Variants in ITIH4 observed in about 807,000 individuals in gnomAD.
ITIH4 encodes the protein inter-alpha-trypsin inhibitor heavy chain 4.
A neutral mutation model predicts 111.8 loss-of-function variants in ITIH4; 79 were observed. The ratio of observed to expected loss-of-function variants is 0.71; its 90% CI spans 0.59 to 0.85. The LOEUF is 0.85. Among genes scored for constraint, ITIH4 ranks in the 40% least tolerant of loss-of-function variants. The probability of loss-of-function intolerance (pLI) is 0.00; values close to 1 mark genes in which losing one functional copy is unlikely to be tolerated. For missense variants in ITIH4, 1,065 were observed against 1,195.8 expected (o/e 0.89, Z 1.61); for synonymous variants, 472 against 468.3 (o/e 1.01, Z -0.10).
chr3:52,827,467 G>A (rs1342761607), intron 2 of ITIH4, among the ~76,000 whole-genome samples: 17 of 152,356 alleles, frequency 1.1e-4, no homozygotes, highest in Admixed American at 1.1e-3. Flanking sequence ...GGAGGCTGCA[G>A]AGGGGCAGGG....
chr3:52,816,335 G>T (rs1167492418), intron 21 of ITIH4, among the ~76,000 whole-genome samples: 1 of 152,208 alleles, frequency 6.6e-6, no homozygotes, highest in Admixed American at 6.5e-5. Flanking sequence ...ACTGACTTGT[G>T]TCTCCTTAGC....
rs757072004 is a variant in ITIH4 at position 52,814,396 on chromosome 3, G to A, written c.2472-33C>T. On this transcript the variant is annotated intron_variant, in intron 21 of 23. Transcript: ENST00000266041. ...AAGACCCAGTGTCTTGAGCAGGAAG[G>A]TAGAGACGTGTGCACAGAACCTCAG... 5 of 1,600,998 alleles carry A rather than the reference G, an allele frequency of 3.1e-6. No individual in the cohort carries two copies. In the East Asian group the frequency reaches 9.0e-5, roughly 29 times the overall value.
chr3:52,829,011 T>C (rs1191470234), intron 2 of ITIH4, 108 bp downstream of exon 2: 6 of 1,023,240 alleles, frequency 5.9e-6, no homozygotes, highest in Non-Finnish European at 8.5e-6. Context: ...CTCCTGAAGA[T>C]GTACACCCTG....
At chr3:52,820,609 G>C in intron 13 of ITIH4, 22 bp downstream of exon 13, 3 of 1,589,036 alleles carry the variant, frequency 1.9e-6, no homozygotes, top group Non-Finnish European at 2.6e-6. Flanking sequence ...CTGGGAGGCT[G>C]AGATCTCAAC....
chr3:52,818,283 T>G lies in ITIH4; in HGVS notation c.2153A>C (p.Glu718Ala), dbSNP rs1303122548. 3 of 1,577,210 alleles carry G rather than the reference T, an allele frequency of 1.9e-6. No individual in the cohort carries two copies. The South Asian group carries it at 3.6e-5, about 19-fold the overall frequency. ...VSRVMNMKIE[E>A]TTMTTQTPAP... is the part of the protein sequence containing the mutation. ...TGGGGTTTGGGTTGTCATGGTTGTT[T>G]CTAAAAGAAGAAAAAGTCTGGGTTT... is the stretch of plus-strand genomic sequence containing the variant. The change falls in exon 19 of 24, where the codon GAA (glutamate) becomes GCA (alanine). Residue 718 changes from glutamate (E) to alanine (A), a missense_variant and splice_region_variant. Glu to Ala is a moderately radical substitution (Grantham distance 107). Coordinates refer to ENST00000266041, the MANE Select transcript of ITIH4 (RefSeq NM_002218.5).
At chr3:52,818,726 A>C in intron 17 of ITIH4, 190 bp from the exon 18 acceptor site, 1 of 603,278 alleles carries the variant, frequency 1.7e-6, no homozygotes. Context: ...CTGGCTGTGC[A>C]GCTGCATTCG....
chr3:52,829,530 TG>T (rs1045713600), intron 1 of ITIH4, among the ~76,000 whole-genome samples: 1 of 152,172 alleles, frequency 6.6e-6, no homozygotes, highest in Non-Finnish European at 1.5e-5. Context: ...ACGTCCTTCT[TG>T]ATCTATAGGG....
rs1274649574 is a variant in ITIH4 at position 52,823,958 on chromosome 3, T to C, written c.1218A>G (p.Val406=). The C allele has an allele frequency of 6.3e-7, 1 of 1,594,038 alleles. No individual in the cohort carries two copies. Among genetic ancestry groups the C allele is most frequent in the Admixed American group, 1.7e-5 (1 of 57,588 alleles). Residue 406 remains valine (V), a synonymous_variant, in exon 10 of 24, where the codon GTA becomes GTG. Coordinates refer to ENST00000266041, the MANE Select transcript of ITIH4 (RefSeq NM_002218.5). ...RSIQNNVREA[V]SGRYSLFCLG... ...GGCAGAAGAGGCTGTACCGGCCACT[T>C]ACAGCTTCCCGCACGTTATTCTGGA... is the stretch of plus-strand genomic sequence containing the variant.
chr3:52,813,506 A>G lies in ITIH4; in HGVS notation c.2724-16T>C. ...CCTGCGCTCTCTGAAATGGAAAGAC[A>G]GACAGATAGGCAGGTGGTCAGCAAA... is the stretch of plus-strand genomic sequence containing the variant. On this transcript the variant is annotated splice_polypyrimidine_tract_variant and intron_variant, in intron 23 of 23. Coordinates refer to ENST00000266041, the MANE Select transcript of ITIH4 (RefSeq NM_002218.5). 1 of 1,612,302 alleles carries G rather than the reference A, an allele frequency of 6.2e-7. No individual in the cohort carries two copies. Among genetic ancestry groups the G allele is most frequent in the Non-Finnish European group, 8.5e-7 (1 of 1,178,360 alleles).
At position 52,824,804 on chromosome 3, in the gene ITIH4, G is replaced by C. The variant is rs1700457263; in HGVS notation, c.876+38C>G. 10 of 1,508,378 alleles carry C rather than the reference G, an allele frequency of 6.6e-6. No individual in the cohort carries two copies. The highest frequency in any genetic ancestry group is 1.8e-5 in the Admixed American group (1 of 57,128). 93.4% of individuals were successfully genotyped at this position (1,508,378 alleles called of 1,614,324 possible). ...CACAGCTGATAGCGTGAAGGGCCTGGGAGTTTTCAGGGCCCTGCCCTGGGC... is the reference window on the plus strand; with the variant it reads ...CACAGCTGATAGCGTGAAGGGCCTGCGAGTTTTCAGGGCCCTGCCCTGGGC... On this transcript the variant is annotated intron_variant, in intron 7 of 23. Transcript: ENST00000266041. This position sits in a 1 kb window ranked among gnomAD's most constrained non-coding sequence, Gnocchi z 4.3.
At chr3:52,820,172 G>A (rs1447916158) in intron 14 of ITIH4, 119 bp downstream of exon 14, 3 of 1,413,902 alleles carry the variant, frequency 2.1e-6, no homozygotes, top group Non-Finnish European at 3.0e-6. Context: ...CAGCAGGGAT[G>A]GGCTGGAGAG....
At position 52,824,836 on chromosome 3, in the gene ITIH4, A is replaced by G; in HGVS notation, c.876+6T>C. On this transcript the variant is annotated splice_donor_region_variant and intron_variant, in intron 7 of 23. Transcript: ENST00000266041. The surrounding 1 kb of genome is among the most constrained non-coding windows in gnomAD (Gnocchi z 4.3). ...TCAGGGCCCTGCCCTGGGCCACAGG[A>G]CCTACCTGCTGGATTTTCCTGCCAC... The G allele has an allele frequency of 6.2e-7, 1 of 1,606,542 alleles. No homozygotes were observed. The highest frequency in any genetic ancestry group is 8.5e-7 in the Non-Finnish European group (1 of 1,173,790).
chr3:52,814,131 G>A lies in ITIH4; in HGVS notation c.2627-60C>T, dbSNP rs189838271. On this transcript the variant is annotated intron_variant, in intron 22 of 23. Coordinates refer to ENST00000266041, the MANE Select transcript of ITIH4 (RefSeq NM_002218.5). ...GACAGAGGAAGCCTGGGAGACACAC[G>A]CAGGGGAGGGGCGCTGCCTGTTCCC... 496 of 1,602,566 alleles carry A rather than the reference G, an allele frequency of 3.1e-4. 2 individuals are homozygous for A. In the African/African-American group the frequency reaches 5.9e-3, roughly 19 times the overall value.
chr3:52,816,868 C>G lies in ITIH4; in HGVS notation c.2471+16G>C, dbSNP rs1160295570. ...GAAAGGTCAACCCCTGCCCCGGGCT[C>G]CAGCCTGGGCCTTACCCGGGCATCA... On this transcript the variant is annotated intron_variant, in intron 21 of 23. Transcript: ENST00000266041. 1.2e-6 allele frequency: 2 copies of G among 1,610,530 alleles called. No individual in the cohort carries two copies. The highest frequency in any genetic ancestry group is 1.7e-6 in the Non-Finnish European group (2 of 1,177,836).
chr3:52,826,349 C>T (rs1470651941), intron 5 of ITIH4, among the ~76,000 whole-genome samples, 192 bp downstream of exon 5: 1 of 152,204 alleles, frequency 6.6e-6, no homozygotes. Flanking sequence ...TACGAGGACG[C>T]CATGGTCCTT....
chr3:52,821,199 G>T, intron 11 of ITIH4, 69 bp from the exon 12 acceptor site: 1 of 1,559,666 alleles, frequency 6.4e-7, no homozygotes. Flanking sequence ...TGGCACTTCT[G>T]AGCTCTTCCA....
chr3:52,812,970 A>C lies in ITIH4; in HGVS notation c.*451T>G. ...AAAGAATTCCAACCCAGTTCACTCT[A>C]TTTTTTTTTTTTTTTTTTTTGTAGT... On this transcript the variant is annotated 3_prime_UTR_variant, in exon 24 of 24. Transcript: ENST00000266041. 1 of 132,078 alleles carries C rather than the reference A, an allele frequency of 7.6e-6. No homozygotes were observed. The highest frequency in any genetic ancestry group is 1.6e-5 in the Non-Finnish European group (1 of 63,144). The allele number at this position is 132,078 out of a possible 1,614,324, so 8.2% of individuals were successfully genotyped here. A position where few individuals can be genotyped will look rare whatever the true frequency, so the allele number is the denominator to read the frequency against.
rs749483845 is a variant in ITIH4, at chr3:52,824,287, C to T, written c.1074G>A (p.Met358Ile). The T allele has an allele frequency of 1.9e-6, 3 of 1,613,612 alleles. No individual in the cohort carries two copies. In the African/African-American group the frequency reaches 4.0e-5, roughly 22 times the overall value. Residue 358 changes from methionine to isoleucine, a missense_variant, in exon 9 of 24, where the codon ATG (methionine) becomes ATA (isoleucine). Coordinates refer to ENST00000266041, the MANE Select transcript of ITIH4 (RefSeq NM_002218.5). This position sits in a 1 kb window ranked among gnomAD's most constrained non-coding sequence, Gnocchi z 4.3. ...TGCTGCTGTCCAGCAACTGCACAGCCATCAGCATTGCATCATTGATGTTGG... is the reference window on the plus strand; with the variant it reads ...TGCTGCTGTCCAGCAACTGCACAGCTATCAGCATTGCATCATTGATGTTGG... ...GGTNINDAML[M>I]AVQLLDSSNQ...
chr3:52,822,886 G>T (rs1313957205), intron 11 of ITIH4, among the ~76,000 whole-genome samples: 1 of 152,146 alleles, frequency 6.6e-6, no homozygotes, highest in African/African-American at 2.4e-5. Flanking sequence ...CCTCCAGGAA[G>T]CCCTCCCTGA....
Sources: allele counts gnomAD v4.1 joint callset (sites outside exome capture counted in the v4.1 genomes callset), GRCh38; gene constraint gnomAD v4.1.1; non-coding constraint Gnocchi (gnomAD v3.1); transcripts MANE v1.5; gene names NCBI Gene and HGNC (gene_info 2026-07-23, HGNC 2026-07-21).